Variants in CCDC146 observed in about 807,000 individuals in gnomAD.
CCDC146 encodes the protein coiled-coil domain containing 146.
In CCDC146, 92 loss-of-function variants were observed where a neutral mutation model predicts 119.3. The observed-to-expected ratio is 0.77, with a 90% CI of 0.65 to 0.92. The LOEUF (loss-of-function observed/expected upper bound fraction) is 0.92. Among genes scored for constraint, CCDC146 ranks in the 40% least tolerant of loss-of-function variants. The pLI is 0.00. For missense variants in CCDC146, 1,000 were observed against 1,103.0 expected, an observed-to-expected ratio of 0.91 and a Z score of 1.32; for synonymous variants, 372 against 371.8, an observed-to-expected ratio of 1.00 and a Z score of -0.01.
chr7:77,218,918 T>C (rs761929157), intron 2 of CCDC146, among the ~76,000 whole-genome samples: 35 of 152,026 alleles, frequency 2.3e-4, no homozygotes, highest in Non-Finnish European at 4.1e-4. Flanking sequence ...TTAAAAAAAC[T>C]TGTGCACACT....
At chr7:77,241,120 C>T (rs1387323731) in intron 3 of CCDC146, among the ~76,000 whole-genome samples, 2 of 148,508 alleles carry the variant, frequency 1.3e-5, no homozygotes, top group Non-Finnish European at 3.0e-5. Flanking sequence ...TGCAGTGGCT[C>T]AATCTCGGCT....
chr7:77,286,383 A>G (rs1430350980), intron 15 of CCDC146, among the ~76,000 whole-genome samples: 1 of 152,152 alleles, frequency 6.6e-6, no homozygotes, highest in African/African-American at 2.4e-5. Flanking sequence ...CCTCTCACCC[A>G]GCCCCACCAC....
Position 77,142,089 on chromosome 7 carries a change from G to A in CCDC146, c.-12+19357G>A, listed in dbSNP as rs544602639. Among the ~76,000 whole-genome samples the A allele has an allele frequency of 1.3e-3, 205 of 152,176 alleles. 4 individuals carry two copies. Among genetic ancestry groups the A allele is most frequent in the Non-Finnish European group, 8.5e-4 (58 of 68,016 alleles). ...TCTCAAAATAATAAGAGCTATTTATGACAAACCCACAGCCAATATCATACT... is the reference window on the plus strand; with the variant it reads ...TCTCAAAATAATAAGAGCTATTTATAACAAACCCACAGCCAATATCATACT... On this transcript the variant is annotated intron_variant, in intron 1 of 18. Coordinates refer to ENST00000285871, the MANE Select transcript of CCDC146 (RefSeq NM_020879.3).
Position 77,218,629 on chromosome 7 carries a change from T to G in CCDC146, c.157-18318T>G, listed in dbSNP as rs75175538. Among the ~76,000 whole-genome samples the G allele has an allele frequency of 1.9e-4, 29 of 151,926 alleles. No homozygotes were observed. In the East Asian group the frequency reaches 5.4e-3, roughly 28 times the overall value. ...CTACCAATTCTCTTTTTTTTTTTTT[T>G]GGCAGGGTCTCACTCTGTCACCCAG... On this transcript the variant is annotated intron_variant, in intron 2 of 18. Coordinates refer to ENST00000285871, the MANE Select transcript of CCDC146 (RefSeq NM_020879.3).
At chr7:77,223,323 C>A (rs1792441535) in intron 2 of CCDC146, among the ~76,000 whole-genome samples, 1 of 152,196 alleles carries the variant, frequency 6.6e-6, no homozygotes, top group Non-Finnish European at 1.5e-5. Context: ...ATTATTGCAA[C>A]TTTGAAGTCA....
intron 1 of CCDC146, among the ~76,000 whole-genome samples, chr7:77,159,117 C>G (rs1791220709): frequency 6.6e-6 from 1 of 152,142 alleles, no homozygotes; most frequent in Admixed American, 6.6e-5. Context: ...ATATCTATCA[C>G]CATCCAAAGT....
chr7:77,123,966 A>G (rs553514394), intron 1 of CCDC146, among the ~76,000 whole-genome samples: 3 of 152,240 alleles, frequency 2.0e-5, no homozygotes, highest in Non-Finnish European at 4.4e-5. Context: ...AATAATCTTC[A>G]AACTATTTTT....
At chr7:77,205,790 C>T (rs1304778904) in intron 2 of CCDC146, among the ~76,000 whole-genome samples, 3 of 152,100 alleles carry the variant, frequency 2.0e-5, no homozygotes, top group Admixed American at 1.3e-4. Flanking sequence ...AACAAAAACC[C>T]TCTAGGTAGC....
chr7:77,158,324 GCTATGTAGTTCTTC>G (rs1393669919), intron 1 of CCDC146, among the ~76,000 whole-genome samples: 1 of 151,950 alleles, frequency 6.6e-6, no homozygotes, highest in Non-Finnish European at 1.5e-5. Context: ...ATACCTGATG[GCTATGTAGTTCTTC>G]CTATGCCAGG....
chr7:77,280,457 G>A lies in CCDC146; in HGVS notation c.1723G>A (p.Ala575Thr), dbSNP rs760441808. Residue 575 changes from alanine (A) to threonine (T), a missense_variant, in exon 14 of 19, where the codon GCC (alanine) becomes ACC (threonine). By Grantham distance (58) the Ala-to-Thr change is moderately conservative. Coordinates refer to ENST00000285871, the MANE Select transcript of CCDC146 (RefSeq NM_020879.3). ...RKLQNSMLKH[A>T]NNVTIRESMQ... ...GCTACAAAATTCCATGCTGAAACAC[G>A]CCAACAATGTTACCATCAGAGAGAG... 1.9e-6 allele frequency: 3 copies of A among 1,612,720 alleles called. No individual in the cohort carries two copies. Among genetic ancestry groups the A allele is most frequent in the Non-Finnish European group, 2.5e-6 (3 of 1,179,490 alleles).
Position 77,196,404 on chromosome 7 carries a change from T to G in CCDC146, c.156+28580T>G. 1 of 1,614,110 alleles carries G rather than the reference T, an allele frequency of 6.2e-7. No homozygotes were observed. The highest frequency in any genetic ancestry group is 8.5e-7 in the Non-Finnish European group (1 of 1,179,988). On this transcript the variant is annotated intron_variant, in intron 2 of 18. Transcript: ENST00000285871. The surrounding 1 kb of genome is among the most constrained non-coding windows in gnomAD (Gnocchi z 4.2). Reference sequence around the variant, plus strand: ...CAGAAAATCCCATTACGGACACCTCTGTATTTTTGGTGATAATATTTGCCA... The same window carrying G: ...CAGAAAATCCCATTACGGACACCTCGGTATTTTTGGTGATAATATTTGCCA...
chr7:77,199,819 G>A (rs755713780), intron 2 of CCDC146: 3 of 1,602,976 alleles, frequency 1.9e-6, no homozygotes, highest in Non-Finnish European at 8.5e-7. Flanking sequence ...CACCCCAGCA[G>A]GGAGTGCGCA....
rs35258178 is a variant in CCDC146, at chr7:77,292,301, A to ATTTTT, written c.2416-636_2416-632dup. Among the ~76,000 whole-genome samples the ATTTTT allele has an allele frequency of 1.5e-3, 204 of 132,652 alleles. 2 individuals carry two copies. Among genetic ancestry groups the ATTTTT allele is most frequent in the South Asian group, 0.011 (45 of 4,080 alleles). The allele number at this position is 132,652 out of a possible 152,430, so 87.0% of individuals were successfully genotyped here. A position where few individuals can be genotyped will look rare whatever the true frequency, so the allele number is the denominator to read the frequency against. On this transcript the variant is annotated intron_variant, in intron 17 of 18. Coordinates refer to ENST00000285871, the MANE Select transcript of CCDC146 (RefSeq NM_020879.3). Reference sequence around the variant, plus strand: ...AGAACAAGACCTTGTCTTTATTTTAATTTTTTTTTTTTTTTTTTTAAAGAA... The same window carrying ATTTTT: ...AGAACAAGACCTTGTCTTTATTTTAATTTTTTTTTTTTTTTTTTTTTTTTAAAGAA...
At position 77,203,219 on chromosome 7, in the gene CCDC146, C is replaced by T. The variant is rs192232655; in HGVS notation, c.157-33728C>T. Among the ~76,000 whole-genome samples the T allele has an allele frequency of 2.0e-5, 3 of 151,994 alleles. No homozygotes were observed. In the East Asian group the frequency reaches 5.8e-4, roughly 29 times the overall value. On this transcript the variant is annotated intron_variant, in intron 2 of 18. Transcript: ENST00000285871. Reference sequence around the variant, plus strand: ...CAAGGCATGATAGAAGCCATGGGATCTGATAAGTGGTGAGAACTGGAAAGA... The same window carrying T: ...CAAGGCATGATAGAAGCCATGGGATTTGATAAGTGGTGAGAACTGGAAAGA...
chr7:77,252,080 T>C (rs944739321), intron 4 of CCDC146, among the ~76,000 whole-genome samples: 26 of 152,006 alleles, frequency 1.7e-4, no homozygotes, highest in Non-Finnish European at 3.1e-4. Context: ...ACCCACAAGG[T>C]AGAGGTTGCA....
intron 1 of CCDC146, among the ~76,000 whole-genome samples, chr7:77,131,926 G>T (rs1223534500): frequency 1.3e-5 from 2 of 152,208 alleles, no homozygotes. Context: ...CTGCATGAAA[G>T]AATTTACTTT....
rs894211426 is a variant in CCDC146, at chr7:77,196,187, A to G, written c.156+28363A>G. On this transcript the variant is annotated intron_variant, in intron 2 of 18. Transcript: ENST00000285871. This position sits in a 1 kb window ranked among gnomAD's most constrained non-coding sequence, Gnocchi z 4.2. ...AGCCGTCAGACATCATTTTTTAGCT[A>G]TGAAAAATATGAAACAAGGCATATT... 4 of 896,012 alleles carry G rather than the reference A, an allele frequency of 4.5e-6. No homozygotes were observed. The highest frequency in any genetic ancestry group is 2.3e-4 in the Middle Eastern group (1 of 4,290). The allele number at this position is 896,012 out of a possible 1,614,324, so 55.5% of individuals were successfully genotyped here. A position where few individuals can be genotyped will look rare whatever the true frequency, so the allele number is the denominator to read the frequency against.
intron 2 of CCDC146, among the ~76,000 whole-genome samples, chr7:77,170,268 G>A (rs1791400804): frequency 6.6e-6 from 1 of 152,036 alleles, no homozygotes; most frequent in Non-Finnish European, 1.5e-5. Context: ...TCAGGATTGT[G>A]GTCTCCAGCT....
At chr7:77,185,483 A>G (rs961373021) in intron 2 of CCDC146, among the ~76,000 whole-genome samples, 7 of 152,214 alleles carry the variant, frequency 4.6e-5, no homozygotes, top group African/African-American at 1.4e-4. Flanking sequence ...GATCTTATCC[A>G]AGACTATCAA....
Sources: gnomAD v4.1 joint callset for allele counts (sites outside exome capture counted in the v4.1 genomes callset) on GRCh38, gnomAD v4.1.1 for gene constraint, Gnocchi (gnomAD v3.1) non-coding constraint, MANE v1.5 for transcripts, NCBI Gene and HGNC (gene_info 2026-07-23, HGNC 2026-07-21) for gene names.